Variants in MYT1 observed in about 807,000 individuals in gnomAD.
MYT1 encodes the protein myelin transcription factor I.
Under a neutral mutation model 123.0 loss-of-function variants are expected in MYT1, and 23 were observed. The ratio of observed to expected loss-of-function variants is 0.19; its 90% CI spans 0.13 to 0.26. The LOEUF (loss-of-function observed/expected upper bound fraction) is 0.26, where lower values mean the gene tolerates loss of function less well. MYT1 is among the 10% of genes least tolerant of loss of function. MYT1 has a pLI of 1.00. For missense variants in MYT1, 1,125 were observed against 1,472.5 expected, an observed-to-expected ratio of 0.76 and a Z score of 3.86; for synonymous variants, 518 against 575.3, an observed-to-expected ratio of 0.90 and a Z score of 1.43.
chr20:64,230,373 C>T (rs1414750707), intron 18 of MYT1, among the ~76,000 whole-genome samples: 3 of 152,116 alleles, frequency 2.0e-5, no homozygotes, highest in Non-Finnish European at 2.9e-5. Flanking sequence ...ATCAGCCGGG[C>T]GTGGTGGCGG....
chr20:64,236,457 C>T (rs1271996767), intron 19 of MYT1, 98 bp from the exon 20 acceptor site: 36 of 872,094 alleles, frequency 4.1e-5, no homozygotes, highest in African/African-American at 3.0e-4. Context: ...CGGGGCTGGC[C>T]GTGGTATGTG....
In MYT1 at chr20:64,164,485, C is replaced by G. The variant is rs1278129191; in HGVS notation, c.-353C>G. ...TACAAAGGAGCCTCCTCCGCCAGCC[C>G]GTGCCACCGCTGCTAATGAGAGCAG... is the stretch of plus-strand genomic sequence containing the variant. On this transcript the variant is annotated 5_prime_UTR_variant, in exon 1 of 23. Transcript: ENST00000328439. 1.3e-5 allele frequency: 2 copies of G among 152,176 alleles called. No homozygotes were observed. Among genetic ancestry groups the G allele is most frequent in the African/African-American group, 2.4e-5 (1 of 41,428 alleles). 9.4% of individuals were successfully genotyped at this position (152,176 alleles called of 1,614,324 possible).
At chr20:64,198,587 G>A (rs187915158) in intron 2 of MYT1, among the ~76,000 whole-genome samples, 2 of 152,334 alleles carry the variant, frequency 1.3e-5, no homozygotes, top group East Asian at 3.9e-4. Flanking sequence ...TGCAAACCTG[G>A]GGGCACGGTG....
chr20:64,213,637 C>G lies in MYT1; in HGVS notation c.1621C>G (p.Arg541Gly). ...TTCCAAGAGTAGCTCCAATTCCGAT[C>G]GGATCCTCAGGTGAGTGAGATGAGC... ...DPSKSSSNSD[R>G]ILRPMCFVKQ... The change falls in exon 10 of 23, where the codon CGG (arginine) becomes GGG (glycine). Residue 541 changes from arginine to glycine, a missense_variant. Transcript: ENST00000328439. The surrounding 1 kb of genome is among the most constrained non-coding windows in gnomAD (Gnocchi z 5.6). The G allele has an allele frequency of 6.2e-7, 1 of 1,613,778 alleles. No homozygotes were observed. The highest frequency in any genetic ancestry group is 1.7e-4 in the Middle Eastern group (1 of 6,054).
chr20:64,220,577 C>A (rs140239384), intron 13 of MYT1, among the ~76,000 whole-genome samples: 2 of 152,228 alleles, frequency 1.3e-5, no homozygotes, highest in African/African-American at 4.8e-5. Flanking sequence ...AGGCCACAGC[C>A]GGTTCTGGGC....
intron 22 of MYT1, 59 bp from the exon 23 acceptor site, chr20:64,240,261 C>A (rs1312507704): frequency 1.3e-6 from 2 of 1,587,200 alleles, no homozygotes; most frequent in Non-Finnish European, 1.7e-6. Context: ...CCACATCAGG[C>A]TCTGCGGTGT....
chr20:64,171,018 G>A (rs943995917), intron 1 of MYT1, among the ~76,000 whole-genome samples: 3 of 149,016 alleles, frequency 2.0e-5, no homozygotes, highest in Admixed American at 1.3e-4. Context: ...AAGCAATTCC[G>A]TCTGCCTCAG....
intron 6 of MYT1, among the ~76,000 whole-genome samples, chr20:64,206,853 C>T (rs1983499440): frequency 6.6e-6 from 1 of 152,180 alleles, no homozygotes; most frequent in African/African-American, 2.4e-5. Flanking sequence ...GCCCAGGTGT[C>T]CTTGCTGACA....
chr20:64,209,867 A>G (rs1227850339), intron 7 of MYT1, among the ~76,000 whole-genome samples: 1 of 152,126 alleles, frequency 6.6e-6, no homozygotes, highest in African/African-American at 2.4e-5. Context: ...GACCCAAAGA[A>G]TGGCTTTGCG....
At chr20:64,197,076 T>C (rs1005195122) in intron 2 of MYT1, among the ~76,000 whole-genome samples, 1 of 152,236 alleles carries the variant, frequency 6.6e-6, no homozygotes, top group Non-Finnish European at 1.5e-5. Context: ...GAGCCATTTG[T>C]CCATGGGGAA....
chr20:64,204,476 C>T (rs777764310), intron 4 of MYT1, among the ~76,000 whole-genome samples: 4 of 152,236 alleles, frequency 2.6e-5, no homozygotes, highest in African/African-American at 4.8e-5. Flanking sequence ...GGGACCCACA[C>T]CAGCTACAGG....
rs909170277 is a variant in MYT1 at position 64,212,867 on chromosome 20, C to T, written c.1518-667C>T. ...GTGGCCTCGGTGGGATATGCTTTCCCCCAGCAGGCTTATGCTCAGCTGAAA... is the reference window on the plus strand; with the variant it reads ...GTGGCCTCGGTGGGATATGCTTTCCTCCAGCAGGCTTATGCTCAGCTGAAA... On this transcript the variant is annotated intron_variant, in intron 9 of 22. Coordinates refer to ENST00000328439, the MANE Select transcript of MYT1 (RefSeq NM_004535.3). The surrounding 1 kb of genome is among the most constrained non-coding windows in gnomAD (Gnocchi z 6.8). 2.6e-5 allele frequency among the ~76,000 whole-genome samples: 4 copies of T among 152,132 alleles called. No homozygotes were observed. Among genetic ancestry groups the T allele is most frequent in the Non-Finnish European group, 4.4e-5 (3 of 68,022 alleles).
rs756295683 is a variant in MYT1, at chr20:64,208,057, G to GGAGGAGGAGGAAGAGGAA, written c.885_902dup (p.Glu301_Glu306dup). Reference sequence around the variant, plus strand: ...AGGAAGAGGAGGAGGAAGAGGAAGAGGAGGAGGAGGAAGAGGAAGAGGAGG... The same window carrying GGAGGAGGAGGAAGAGGAA: ...AGGAAGAGGAGGAGGAAGAGGAAGAGGAGGAGGAGGAAGAGGAAGAGGAGGAGGAAGAGGAAGAGGAGG... On this transcript the variant is annotated inframe_insertion, in exon 7 of 23. Transcript: ENST00000328439. The surrounding 1 kb of genome is among the most constrained non-coding windows in gnomAD (Gnocchi z 5.4). 98 of 1,580,972 alleles carry GGAGGAGGAGGAAGAGGAA rather than the reference G, an allele frequency of 6.2e-5. No individual in the cohort carries two copies. In the Admixed American group the frequency reaches 1.1e-3, roughly 17 times the overall value.
chr20:64,182,453 T>C (rs1409136714), intron 1 of MYT1, among the ~76,000 whole-genome samples: 1 of 152,234 alleles, frequency 6.6e-6, no homozygotes, highest in Non-Finnish European at 1.5e-5. Context: ...GACATAGCAC[T>C]GGCCGAGGTG....
At chr20:64,170,882 TATAG>T (rs1982245893) in intron 1 of MYT1, among the ~76,000 whole-genome samples, 18 of 41,354 alleles carry the variant, frequency 4.4e-4, no homozygotes, top group African/African-American at 8.2e-4. Context: ...TATATATATA[TATAG>T]AGAGAGAGAG....
rs1490556217 is a variant in MYT1 at position 64,167,870 on chromosome 20, TC to T, written c.-99+3132del. Among the ~76,000 whole-genome samples, 2 of 152,222 alleles carry T rather than the reference TC, an allele frequency of 1.3e-5. No individual in the cohort carries two copies. The highest frequency in any genetic ancestry group is 1.5e-5 in the Non-Finnish European group (1 of 68,042). On this transcript the variant is annotated intron_variant, in intron 1 of 22. Transcript: ENST00000328439. The surrounding 1 kb of genome is among the most constrained non-coding windows in gnomAD (Gnocchi z 6.3). ...GTGGTGTGAGTTTACAGGAAAATGG[TC>T]TTTGGGAACCAGCATCATTAGATTA...
rs1460409997 is a variant in MYT1 at position 64,193,096 on chromosome 20, T to C, written c.-1+2936T>C. On this transcript the variant is annotated intron_variant, in intron 2 of 22. Transcript: ENST00000328439. The surrounding 1 kb of genome is among the most constrained non-coding windows in gnomAD (Gnocchi z 4.0). Reference sequence around the variant, plus strand: ...TACCCCAAGGAGGAGGCTGGTCTATTCTGCTGAATTTGTTGGGAGAATTTC... The same window carrying C: ...TACCCCAAGGAGGAGGCTGGTCTATCCTGCTGAATTTGTTGGGAGAATTTC... Among the ~76,000 whole-genome samples, 3 of 152,178 alleles carry C rather than the reference T, an allele frequency of 2.0e-5. No individual in the cohort carries two copies. The highest frequency in any genetic ancestry group is 4.4e-5 in the Non-Finnish European group (3 of 68,038).
chr20:64,226,855 T>C (rs1984182424), intron 16 of MYT1, among the ~76,000 whole-genome samples: 2 of 152,370 alleles, frequency 1.3e-5, no homozygotes, highest in South Asian at 4.1e-4. Context: ...AGGCCTGGCA[T>C]GGCCAGCGCC....
chr20:64,235,381 T>C (rs1316558410), intron 19 of MYT1, among the ~76,000 whole-genome samples: 6 of 115,830 alleles, frequency 5.2e-5, no homozygotes, highest in South Asian at 6.6e-4. Context: ...ACTGGGCTGG[T>C]GGTGGTGGGT....
Sources: gnomAD v4.1 joint callset for allele counts (sites outside exome capture counted in the v4.1 genomes callset) on GRCh38, gnomAD v4.1.1 for gene constraint, Gnocchi (gnomAD v3.1) non-coding constraint, MANE v1.5 for transcripts, NCBI Gene and HGNC (gene_info 2026-07-23, HGNC 2026-07-21) for gene names.